EPHA5: variants seen among roughly 807,000 people sequenced by gnomAD.
EPHA5 encodes ephrin type-A receptor 5.
A neutral mutation model predicts 105.0 loss-of-function variants in EPHA5; 60 were observed. That is an observed-to-expected ratio of 0.57 (90% CI 0.46 to 0.71). EPHA5 has a LOEUF of 0.71. Among genes scored for constraint, EPHA5 ranks in the 30% least tolerant of loss-of-function variants. The pLI is 0.00. For missense variants in EPHA5, 1,218 were observed against 1,274.7 expected (o/e 0.96, Z 0.68); for synonymous variants, 513 against 449.1 (o/e 1.14, Z -1.80).
chr4:65,483,057 G>A (rs933422313), intron 5 of EPHA5, among the ~76,000 whole-genome samples: 1 of 152,010 alleles, frequency 6.6e-6, no homozygotes, highest in African/African-American at 2.4e-5. Flanking sequence ...TCCCCATCCT[G>A]TGTCCAAGTG....
intron 1 of EPHA5, among the ~76,000 whole-genome samples, chr4:65,666,860 G>T (rs920195315): frequency 6.6e-6 from 1 of 151,966 alleles, no homozygotes; most frequent in Non-Finnish European, 1.5e-5. Flanking sequence ...ATTCTGCTTG[G>T]TTATATCTAA....
chr4:65,624,454 T>A (rs1745961648), intron 2 of EPHA5, among the ~76,000 whole-genome samples: 1 of 152,166 alleles, frequency 6.6e-6, no homozygotes, highest in Admixed American at 6.5e-5. Context: ...CAAGAACTTT[T>A]ATTTACTGTT....
At chr4:65,617,749 A>G (rs1745369980) in intron 2 of EPHA5, among the ~76,000 whole-genome samples, 1 of 152,120 alleles carries the variant, frequency 6.6e-6, no homozygotes, top group South Asian at 2.1e-4. Flanking sequence ...AGCTCCAGGG[A>G]AGGTTTTATA....
chr4:65,597,555 T>G (rs1464049009), intron 3 of EPHA5, among the ~76,000 whole-genome samples: 3 of 152,068 alleles, frequency 2.0e-5, no homozygotes, highest in Non-Finnish European at 4.4e-5. Context: ...CATACTTGGA[T>G]AAATGGATTT....
intron 1 of EPHA5, among the ~76,000 whole-genome samples, chr4:65,643,679 C>A (rs1234992751): frequency 2.0e-5 from 3 of 147,234 alleles, no homozygotes; most frequent in Non-Finnish European, 3.0e-5. Flanking sequence ...TTTTTTCTTG[C>A]AAAACAATAA....
chr4:65,476,127 A>AGAGTGTGTGTGTGT (rs1425495059), intron 5 of EPHA5, among the ~76,000 whole-genome samples: 6 of 119,190 alleles, frequency 5.0e-5, no homozygotes, highest in African/African-American at 1.9e-4. Context: ...AGAGAGAGAG[A>AGAGTGTGTGTGTGT]GTGTGTGTGT....
At chr4:65,601,473 G>C (rs557732671) in intron 3 of EPHA5, among the ~76,000 whole-genome samples, 168 bp downstream of exon 3, 1 of 152,216 alleles carries the variant, frequency 6.6e-6, no homozygotes. Flanking sequence ...ATCTTTCACG[G>C]TTGCCAGAAA....
intron 4 of EPHA5, among the ~76,000 whole-genome samples, chr4:65,492,211 A>T (rs1162777807): frequency 2.0e-5 from 3 of 152,000 alleles, no homozygotes; most frequent in Non-Finnish European, 4.4e-5. Context: ...TCATTTATCT[A>T]TTTATTTAGG....
chr4:65,441,094 G>T (rs1725967047), intron 5 of EPHA5, among the ~76,000 whole-genome samples: 1 of 151,970 alleles, frequency 6.6e-6, no homozygotes, highest in Non-Finnish European at 1.5e-5. Context: ...ACAATTTAAA[G>T]ATGGATAATC....
intron 1 of EPHA5, among the ~76,000 whole-genome samples, chr4:65,666,473 G>A (rs930979403): frequency 6.6e-6 from 1 of 152,172 alleles, no homozygotes; most frequent in Non-Finnish European, 1.5e-5. Context: ...TAAGTTCAGG[G>A]CCACCTCCAA....
intron 3 of EPHA5, among the ~76,000 whole-genome samples, chr4:65,549,656 CAAAAG>C (rs1737709136): frequency 6.6e-6 from 1 of 151,696 alleles, no homozygotes; most frequent in African/African-American, 2.4e-5. Context: ...TATTTACTGA[CAAAAG>C]AAAAGACAAA....
intron 5 of EPHA5, among the ~76,000 whole-genome samples, chr4:65,431,581 C>T (rs1469491529): frequency 6.6e-6 from 1 of 152,054 alleles, no homozygotes; most frequent in African/African-American, 2.4e-5. Flanking sequence ...GGCAATTCTC[C>T]TCTTCCCGAC....
chr4:65,379,514 A>G (rs1463780259), intron 8 of EPHA5, among the ~76,000 whole-genome samples: 1 of 151,764 alleles, frequency 6.6e-6, no homozygotes, highest in Non-Finnish European at 1.5e-5. Context: ...CAGCTATAAA[A>G]TAGTGATAAA....
chr4:65,409,429 T>C (rs1039528361), intron 7 of EPHA5, among the ~76,000 whole-genome samples: 1 of 151,912 alleles, frequency 6.6e-6, no homozygotes, highest in Non-Finnish European at 1.5e-5. Flanking sequence ...TAATGTTTCT[T>C]AAAAAAATCA....
chr4:65,405,883 A>C (rs1156891666), intron 7 of EPHA5, among the ~76,000 whole-genome samples: 2 of 151,578 alleles, frequency 1.3e-5, no homozygotes, highest in Non-Finnish European at 2.9e-5. Context: ...TTCTACCACT[A>C]TTTTTTTTCT....
intron 8 of EPHA5, among the ~76,000 whole-genome samples, chr4:65,379,347 A>G (rs1398152746): frequency 6.6e-6 from 1 of 151,710 alleles, no homozygotes; most frequent in African/African-American, 2.4e-5. Flanking sequence ...CAAGTTACAT[A>G]TCATTAGAAT....
intron 3 of EPHA5, among the ~76,000 whole-genome samples, chr4:65,502,752 C>A (rs1428287640): frequency 6.6e-6 from 1 of 151,632 alleles, no homozygotes; most frequent in African/African-American, 2.4e-5. Flanking sequence ...CTGGGTATAT[C>A]CAAAAGAAAA....
intron 5 of EPHA5, among the ~76,000 whole-genome samples, chr4:65,473,953 G>A (rs1274276956): frequency 3.6e-5 from 5 of 140,754 alleles, no homozygotes; most frequent in African/African-American, 1.3e-4. Flanking sequence ...TTAAGTACAT[G>A]TATAAGAAAT....
intron 7 of EPHA5, among the ~76,000 whole-genome samples, chr4:65,413,624 C>T (rs1187925701): frequency 3.3e-5 from 5 of 152,104 alleles, no homozygotes; most frequent in East Asian, 1.9e-4. Context: ...TTTCACAATA[C>T]TGTGTATTTC....
Sources: gnomAD v4.1 joint callset for allele counts (sites outside exome capture counted in the v4.1 genomes callset) on GRCh38, gnomAD v4.1.1 for gene constraint, MANE v1.5 for transcripts, NCBI Gene and HGNC (gene_info 2026-07-23, HGNC 2026-07-21) for gene names.